Variants in TICAM1 observed in about 807,000 individuals in gnomAD.
TICAM1 encodes the protein TIR domain-containing adapter molecule 1.
For missense variants in TICAM1, 895 were observed against 938.2 expected, an observed-to-expected ratio of 0.95 and a Z score of 0.60; for synonymous variants, 439 against 415.4, an observed-to-expected ratio of 1.06 and a Z score of -0.69.
intron 1 of TICAM1, among the ~76,000 whole-genome samples, chr19:4,821,030 T>TAAA (rs373375585): frequency 0.027 from 3,839 of 140,472 alleles, 240 homozygotes; most frequent in African/African-American, 0.094. Flanking sequence ...CCGTCTCTAG[T>TAAA]AAAAAAAAAA....
Position 4,816,924 on chromosome 19 carries a change from C to T in TICAM1, c.1454G>A (p.Cys485Tyr), listed in dbSNP as rs199751361. Residue 485 changes from cysteine to tyrosine, a missense_variant, in exon 2 of 2, where the codon TGT becomes TAT. Physicochemically the swap from Cys to Tyr is radical, Grantham distance 194. Coordinates refer to ENST00000248244, the MANE Select transcript of TICAM1 (RefSeq NM_182919.4). This position sits in a 1 kb window ranked among gnomAD's most constrained non-coding sequence, Gnocchi z 4.3. ...SNLTRQGSPDCVIPFLPLESS... is the reference protein window; with the variant it reads ...SNLTRQGSPDYVIPFLPLESS... ...CTCCAGGGGCAGGAAGGGGATGACA[C>T]AGTCTGGCGACCCCTGTCGCGTGAG... The T allele has an allele frequency of 1.4e-5, 23 of 1,613,856 alleles. No homozygotes were observed. In the East Asian group the frequency reaches 4.9e-4, roughly 34 times the overall value.
rs377447415 is a variant in TICAM1 at position 4,816,561 on chromosome 19, C to T, written c.1817G>A (p.Arg606Gln). ...GGGCACCTGGCCCCCAAAGGGCATT[C>T]GAGCCCCATAGGGCGCCCCAGTCCC... ...SFGTGAPYGA[R>Q]MPFGGQVPLG... The change falls in exon 2 of 2, where the codon CGA (arginine) becomes CAA (glutamine). Residue 606 changes from arginine (R) to glutamine (Q), a missense_variant. Coordinates refer to ENST00000248244, the MANE Select transcript of TICAM1 (RefSeq NM_182919.4). This position sits in a 1 kb window ranked among gnomAD's most constrained non-coding sequence, Gnocchi z 4.3. 9.3e-6 allele frequency: 15 copies of T among 1,610,898 alleles called. No homozygotes were observed. Among genetic ancestry groups the T allele is most frequent in the Middle Eastern group, 3.7e-4 (2 of 5,384 alleles).
chr19:4,818,174 C>A lies in TICAM1; in HGVS notation c.204G>T (p.Ala68=), dbSNP rs376605000. ...RISLEALKAD[A]VARLVARQWA... ...ACTGGCGGGCCACCAGCCGGGCCAC[C>A]GCATCGGCCTTCAATGCCTCTAGAG... The change falls in exon 2 of 2, where the codon GCG becomes GCT. Residue 68 remains alanine (A), a synonymous_variant. Coordinates refer to ENST00000248244, the MANE Select transcript of TICAM1 (RefSeq NM_182919.4). This position sits in a 1 kb window ranked among gnomAD's most constrained non-coding sequence, Gnocchi z 4.0. The A allele has an allele frequency of 1.2e-4, 200 of 1,610,242 alleles. 1 individual carries two copies. The South Asian group carries it at 2.1e-3, about 17-fold the overall frequency.
chr19:4,825,085 G>C (rs554746683), intron 1 of TICAM1, among the ~76,000 whole-genome samples: 1 of 152,022 alleles, frequency 6.6e-6, no homozygotes, highest in Admixed American at 6.6e-5. Context: ...TTCGAGACCA[G>C]CCTGCGCAAC....
chr19:4,822,541 C>A (rs1054146270), intron 1 of TICAM1, among the ~76,000 whole-genome samples: 2 of 152,232 alleles, frequency 1.3e-5, no homozygotes, highest in African/African-American at 4.8e-5. Flanking sequence ...CTACACCCAG[C>A]CAATTGCTTT....
At chr19:4,828,964 T>C (rs1171257685) in intron 1 of TICAM1, among the ~76,000 whole-genome samples, 1 of 151,620 alleles carries the variant, frequency 6.6e-6, no homozygotes, top group Non-Finnish European at 1.5e-5. Context: ...GCCTCCAAAA[T>C]TCTGGGATTA....
intron 1 of TICAM1, among the ~76,000 whole-genome samples, chr19:4,828,834 C>T (rs2093609652): frequency 1.3e-5 from 2 of 152,006 alleles, no homozygotes. Context: ...TCCCGAGTAG[C>T]TGGGACTACA....
rs1427727215 is a variant in TICAM1 at position 4,817,768 on chromosome 19, C to T, written c.610G>A (p.Ala204Thr). Residue 204 changes from alanine to threonine, a missense_variant, in exon 2 of 2, where the codon GCC becomes ACC. Physicochemically the swap from Ala to Thr is moderately conservative, Grantham distance 58. Coordinates refer to ENST00000248244, the MANE Select transcript of TICAM1 (RefSeq NM_182919.4). This position sits in a 1 kb window ranked among gnomAD's most constrained non-coding sequence, Gnocchi z 4.7. ...GACTGGCTGATTTCCAAGTTGCTGG[C>T]CAGGGAGGCAGGGCTGCCAGTGGAT... ...LRSTGSPASL[A>T]SNLEISQSPT... is the part of the protein sequence containing the mutation. 6.2e-7 allele frequency: 1 copy of T among 1,601,892 alleles called. No homozygotes were observed. Among genetic ancestry groups the T allele is most frequent in the Non-Finnish European group, 8.5e-7 (1 of 1,177,070 alleles).
At position 4,817,910 on chromosome 19, in the gene TICAM1, C is replaced by A. The variant is rs773532779; in HGVS notation, c.468G>T (p.Arg156=). 13 of 1,613,826 alleles carry A rather than the reference C, an allele frequency of 8.1e-6. No individual in the cohort carries two copies. The highest frequency in any genetic ancestry group is 2.5e-6 in the Non-Finnish European group (3 of 1,180,000). The stretch of plus-strand genomic sequence containing the variant: ...GGCAGCCCAGATTGGACTGGAGCGT[C>A]CGGATGCTCCCTGGATCCCCAGCAA... ...WDIAGDPGSI[R]TLQSNLGCLP... Residue 156 remains arginine, a synonymous_variant, in exon 2 of 2, where the codon CGG becomes CGT. Transcript: ENST00000248244. The surrounding 1 kb of genome is among the most constrained non-coding windows in gnomAD (Gnocchi z 4.7).
rs147816959 is a variant in TICAM1 at position 4,817,248 on chromosome 19, G to A, written c.1130C>T (p.Thr377Ile). ...GGAGGAAGGGAACAGGGAGGAGGGG[G>A]TCAGGTGAGCTGAACAAGGAGTAGA... is the stretch of plus-strand genomic sequence containing the variant. ...PSSTPCSAHL[T>I]PSSLFPSSLE... is the part of the protein sequence containing the mutation. Residue 377 changes from threonine to isoleucine, a missense_variant, in exon 2 of 2, where the codon ACC becomes ATC. Physicochemically the swap from Thr to Ile is moderately conservative, Grantham distance 89. Coordinates refer to ENST00000248244, the MANE Select transcript of TICAM1 (RefSeq NM_182919.4). This position sits in a 1 kb window ranked among gnomAD's most constrained non-coding sequence, Gnocchi z 4.7. 15 of 1,613,056 alleles carry A rather than the reference G, an allele frequency of 9.3e-6. 1 individual carries two copies. The highest frequency in any genetic ancestry group is 1.3e-5 in the African/African-American group (1 of 74,554).
intron 1 of TICAM1, among the ~76,000 whole-genome samples, chr19:4,820,339 G>C (rs2093595230): frequency 6.6e-6 from 1 of 151,308 alleles, no homozygotes; most frequent in African/African-American, 2.4e-5. Flanking sequence ...AAAATCGCTT[G>C]AACCTGGGAG....
chr19:4,818,630 ACCTTCGGCAACACGTCGCCT>A lies in TICAM1; in HGVS notation c.-139-134_-139-115del. 2.2e-5 allele frequency: 12 copies of A among 554,418 alleles called. No homozygotes were observed. The highest frequency in any genetic ancestry group is 3.2e-5 in the Non-Finnish European group (11 of 346,696). The allele number at this position is 554,418 out of a possible 1,614,324, so 34.3% of individuals were successfully genotyped here. The stretch of plus-strand genomic sequence containing the variant: ...CCTGCCACCCAGACCTAGCCAGGTG[ACCTTCGGCAACACGTCGCCT>A]CCTTCAACTTCCATTTCTTCCTCTG... On this transcript the variant is annotated intron_variant, in intron 1 of 1. Coordinates refer to ENST00000248244, the MANE Select transcript of TICAM1 (RefSeq NM_182919.4). This position sits in a 1 kb window ranked among gnomAD's most constrained non-coding sequence, Gnocchi z 4.0.
At position 4,817,276 on chromosome 19, in the gene TICAM1, A is replaced by AGG; in HGVS notation, c.1101_1102insCC (p.Ser368ProfsTer10). The AGG allele has an allele frequency of 6.2e-7, 1 of 1,603,044 alleles. No homozygotes were observed. Among genetic ancestry groups the AGG allele is most frequent in the Non-Finnish European group, 8.5e-7 (1 of 1,174,410 alleles). On this transcript the variant is annotated frameshift_variant, in exon 2 of 2. Coordinates refer to ENST00000248244, the MANE Select transcript of TICAM1 (RefSeq NM_182919.4). LOFTEE classifies it low-confidence loss of function (END_TRUNC). This position sits in a 1 kb window ranked among gnomAD's most constrained non-coding sequence, Gnocchi z 4.7. ...AGGTGAGCTGAACAAGGAGTAGATG[A>AGG]AGGAGGAGGAGGAGGAGGAGGAGGG... is the stretch of plus-strand genomic sequence containing the variant.
At chr19:4,827,018 A>ATAATAT in intron 1 of TICAM1, among the ~76,000 whole-genome samples, 1 of 151,786 alleles carries the variant, frequency 6.6e-6, no homozygotes, top group East Asian at 1.9e-4. Flanking sequence ...AATAATAATA[A>ATAATAT]TAATAATAAA....
rs192456680 is a variant in TICAM1 at position 4,820,312 on chromosome 19, C to T, written c.-139-1796G>A. The stretch of plus-strand genomic sequence containing the variant: ...GCAGGCGCCTGTAATCCCAGCTACT[C>T]GGGAGGCTGAGGTAGGAAAATCGCT... On this transcript the variant is annotated intron_variant, in intron 1 of 1. Coordinates refer to ENST00000248244, the MANE Select transcript of TICAM1 (RefSeq NM_182919.4). 7.0e-3 allele frequency among the ~76,000 whole-genome samples: 1,051 copies of T among 150,406 alleles called. 7 individuals carry two copies. Among genetic ancestry groups the T allele is most frequent in the Admixed American group, 0.011 (167 of 14,988 alleles).
chr19:4,825,006 G>T (rs190853926), intron 1 of TICAM1, among the ~76,000 whole-genome samples: 1 of 151,600 alleles, frequency 6.6e-6, no homozygotes, highest in Non-Finnish European at 1.5e-5. Flanking sequence ...AGGGTCGGGA[G>T]CGGTGGCTCA....
chr19:4,830,963 C>T (rs913745512), intron 1 of TICAM1, among the ~76,000 whole-genome samples: 1 of 152,090 alleles, frequency 6.6e-6, no homozygotes, highest in South Asian at 2.1e-4. Flanking sequence ...GCTGGATAAC[C>T]GTTAGGAGGG....
chr19:4,817,577 C>T lies in TICAM1; in HGVS notation c.801G>A (p.Leu267=). ...PSGEIASPPE[L]PSSPPPGLPE... The stretch of plus-strand genomic sequence containing the variant: ...GAAGCCCAGGAGGTGGGCTGCTTGG[C>T]AGCTCTGGTGGGCTGGCAATCTCCC... Residue 267 remains leucine, a synonymous_variant, in exon 2 of 2, where the codon CTG becomes CTA. Transcript: ENST00000248244. This position sits in a 1 kb window ranked among gnomAD's most constrained non-coding sequence, Gnocchi z 4.7. 1 of 1,611,076 alleles carries T rather than the reference C, an allele frequency of 6.2e-7. No individual in the cohort carries two copies. Among genetic ancestry groups the T allele is most frequent in the Non-Finnish European group, 8.5e-7 (1 of 1,178,952 alleles).
chr19:4,821,612 C>G (rs2093597564), intron 1 of TICAM1, among the ~76,000 whole-genome samples: 1 of 151,350 alleles, frequency 6.6e-6, no homozygotes, highest in South Asian at 2.1e-4. Flanking sequence ...TGCAGATCTC[C>G]CTTTGACAGG....
Sources: gnomAD v4.1 joint callset for allele counts (sites outside exome capture counted in the v4.1 genomes callset) on GRCh38, gnomAD v4.1.1 for gene constraint, Gnocchi (gnomAD v3.1) non-coding constraint, MANE v1.5 for transcripts, NCBI Gene and HGNC (gene_info 2026-07-23, HGNC 2026-07-21) for gene names.